The following PUDP variants were observed in gnomAD, a reference collection of about 807,000 sequenced individuals.
The protein encoded by PUDP is pseudouridine-5'-phosphatase.
PUDP carries 8 observed loss-of-function variants against 9.4 expected under a neutral mutation model. The observed-to-expected ratio is 0.85, with a 90% confidence interval of 0.50 to 1.53. PUDP has a LOEUF of 1.53. Among genes scored for constraint, PUDP ranks in the 40% most tolerant of loss-of-function variants. PUDP has a pLI of 0.00. For missense variants in PUDP, 188 were observed against 189.7 expected (o/e 0.99, Z 0.05); for synonymous variants, 99 against 80.7 (o/e 1.23, Z -1.22).
intron 3 of PUDP, among the ~76,000 whole-genome samples, chrX:6,930,126 G>C (rs1321837883): frequency 9.2e-6 from 1 of 108,889 alleles, no homozygotes; most frequent in Admixed American, 9.7e-5. Context: ...CTACCTGAGA[G>C]AAGACAAAGA....
At chrX:6,892,839 T>C (rs751107271) in intron 3 of PUDP, among the ~76,000 whole-genome samples, 1 of 111,827 alleles carries the variant, frequency 8.9e-6, no homozygotes, top group Non-Finnish European at 1.9e-5. Context: ...AGCAAGAATG[T>C]AGCCCATCTG....
In PUDP at chrX:6,711,218, T is replaced by C. The variant is rs1193889705; in HGVS notation, n.129-4752A>G. 3.6e-5 allele frequency among the ~76,000 whole-genome samples: 4 copies of C among 111,139 alleles called. No individual in the cohort carries two copies. The East Asian group carries it at 1.1e-3, about 31-fold the overall frequency. ...CAAAGATACGAGGGAAACTGTGCATTGTTATGCTTAGGTTCAAGCAGGTAT... is the reference window on the plus strand; with the variant it reads ...CAAAGATACGAGGGAAACTGTGCATCGTTATGCTTAGGTTCAAGCAGGTAT... On this transcript the variant is annotated intron_variant and non_coding_transcript_variant, in intron 1 of 2. Coordinates refer to the PUDP transcript ENST00000438499.
intron 3 of PUDP, among the ~76,000 whole-genome samples, chrX:6,739,053 A>G (rs1451103682): frequency 9.0e-6 from 1 of 111,497 alleles, no homozygotes; most frequent in Non-Finnish European, 1.9e-5. Context: ...GGGGACAATT[A>G]GCAGTTTTTG....
intron 3 of PUDP, among the ~76,000 whole-genome samples, chrX:6,818,500 C>A (rs1926287583): frequency 8.9e-6 from 1 of 112,376 alleles, no homozygotes; most frequent in Non-Finnish European, 1.9e-5. Context: ...AATAAACTCT[C>A]TAAATTTCCA....
intron 3 of PUDP, among the ~76,000 whole-genome samples, chrX:6,931,713 A>C (rs1928193601): frequency 8.9e-6 from 1 of 111,766 alleles, no homozygotes; most frequent in Non-Finnish European, 1.9e-5. Flanking sequence ...GAAGGATTCC[A>C]TGAACCCTTG....
intron 3 of PUDP, among the ~76,000 whole-genome samples, chrX:6,812,201 A>G (rs773476681): frequency 8.9e-6 from 1 of 112,128 alleles, no homozygotes; most frequent in Non-Finnish European, 1.9e-5. Flanking sequence ...CTCATCCACC[A>G]TCTTCAGACT....
At chrX:7,053,701 G>A (rs1335362198) in intron 3 of PUDP, among the ~76,000 whole-genome samples, 1 of 111,505 alleles carries the variant, frequency 9.0e-6, no homozygotes, top group African/African-American at 3.3e-5. Context: ...TTTATCAGCA[G>A]TGTGAAAATG....
At chrX:7,138,575 G>A (rs1250800058) in intron 1 of PUDP, among the ~76,000 whole-genome samples, 2 of 111,144 alleles carry the variant, frequency 1.8e-5, no homozygotes, top group African/African-American at 6.6e-5. Context: ...GTTTCGCCAT[G>A]TTGGCCGGGG....
chrX:6,964,913 C>A (rs950959526), intron 3 of PUDP, among the ~76,000 whole-genome samples: 2 of 111,302 alleles, frequency 1.8e-5, no homozygotes, highest in Non-Finnish European at 3.8e-5. Context: ...CATCTCAATT[C>A]GTAAGAACCA....
intron 3 of PUDP, among the ~76,000 whole-genome samples, chrX:6,963,960 T>C (rs1320090547): frequency 1.8e-5 from 2 of 112,166 alleles, no homozygotes; most frequent in Non-Finnish European, 3.8e-5. Flanking sequence ...TTTTCATTCG[T>C]CACATTTTCT....
At chrX:6,747,587 ATCAGTT>A (rs1469454513) in intron 3 of PUDP, among the ~76,000 whole-genome samples, 4 of 112,279 alleles carry the variant, frequency 3.6e-5, no homozygotes, top group African/African-American at 1.3e-4. Context: ...ATATTTAAAT[ATCAGTT>A]TAATCTTTGA....
At chrX:6,838,046 A>G (rs1926610941) in intron 3 of PUDP, among the ~76,000 whole-genome samples, 1 of 112,158 alleles carries the variant, frequency 8.9e-6, no homozygotes, top group African/African-American at 3.2e-5. Context: ...AATAATTTTC[A>G]TCCACTACCC....
intron 3 of PUDP, among the ~76,000 whole-genome samples, chrX:6,964,155 T>C (rs1274097197): frequency 8.9e-6 from 1 of 112,155 alleles, no homozygotes; most frequent in African/African-American, 3.2e-5. Flanking sequence ...ATAATACAAA[T>C]AGCAAGTTAT....
intron 1 of PUDP, among the ~76,000 whole-genome samples, chrX:7,014,435 C>T (rs1444351498): frequency 1.8e-5 from 2 of 110,943 alleles, no homozygotes; most frequent in Non-Finnish European, 3.8e-5. Context: ...GGAGTGAATG[C>T]ACTCAATCTA....
chrX:6,916,133 G>A (rs946280013), intron 3 of PUDP, among the ~76,000 whole-genome samples: 1 of 105,861 alleles, frequency 9.4e-6, no homozygotes, highest in East Asian at 3.0e-4. Flanking sequence ...CACATGTACT[G>A]TTATCTCCTT....
At chrX:6,880,554 A>C in intron 3 of PUDP, among the ~76,000 whole-genome samples, 1 of 112,230 alleles carries the variant, frequency 8.9e-6, no homozygotes, top group Non-Finnish European at 1.9e-5. Context: ...ACAATTAACT[A>C]TTTCTTGTTT....
At chrX:7,066,586 C>T (rs375719592) in intron 3 of PUDP, among the ~76,000 whole-genome samples, 8 of 111,118 alleles carry the variant, frequency 7.2e-5, no homozygotes, top group African/African-American at 2.6e-4. Context: ...AGACAGGAGG[C>T]GGAGCTCAGG....
chrX:7,145,687 T>C (rs1932844069), intron 1 of PUDP, among the ~76,000 whole-genome samples: 1 of 110,497 alleles, frequency 9.1e-6, no homozygotes, highest in Non-Finnish European at 1.9e-5. Flanking sequence ...GGTCAACATT[T>C]CCTCTAAAAT....
intron 3 of PUDP, among the ~76,000 whole-genome samples, chrX:6,813,246 A>C (rs1458139996): frequency 2.7e-5 from 3 of 111,385 alleles, no homozygotes; most frequent in South Asian, 7.7e-4. Context: ...TGGTCCTTAC[A>C]ATCTGCTGAG....
Sources: gnomAD v4.1 joint callset for allele counts (sites outside exome capture counted in the v4.1 genomes callset) on GRCh38, gnomAD v4.1.1 for gene constraint, MANE v1.5 for transcripts, NCBI Gene and HGNC (gene_info 2026-07-23, HGNC 2026-07-21) for gene names.